MCTP1: variants seen among roughly 807,000 people sequenced by gnomAD.
MCTP1 encodes the protein multiple C2 and transmembrane domain containing 1.
MCTP1 carries 69 observed loss-of-function variants against 120.6 expected under a neutral mutation model. That is an observed-to-expected ratio of 0.57 (90% CI 0.47 to 0.70). The LOEUF (loss-of-function observed/expected upper bound fraction) is 0.70. MCTP1 is among the 30% of genes least tolerant of loss of function. MCTP1 has a pLI of 0.00. For synonymous variants in MCTP1, 529 were observed against 493.1 expected (o/e 1.07, Z -0.96); for missense variants, 1,203 against 1,248.8 (o/e 0.96, Z 0.55).
intron 20 of MCTP1, among the ~76,000 whole-genome samples, chr5:94,712,681 T>C (rs1269094871): frequency 2.0e-5 from 3 of 152,116 alleles, no homozygotes; most frequent in African/African-American, 4.8e-5. Flanking sequence ...CTTCCTCTTA[T>C]GGTCAAGAGT....
intron 1 of MCTP1, among the ~76,000 whole-genome samples, chr5:95,115,428 G>C (rs1562154906): frequency 6.6e-6 from 1 of 151,948 alleles, no homozygotes. Context: ...ACTGAACAAA[G>C]AGATTAAAAT....
chr5:95,065,380 T>A (rs78097179), intron 1 of MCTP1, among the ~76,000 whole-genome samples: 10,028 of 152,066 alleles, frequency 0.066, 707 homozygotes, highest in East Asian at 0.34. Flanking sequence ...GTTAGCAAAC[T>A]AAATCCAGAA....
intron 1 of MCTP1, among the ~76,000 whole-genome samples, chr5:95,142,622 C>T (rs1269765531): frequency 6.6e-6 from 1 of 152,050 alleles, no homozygotes; most frequent in Non-Finnish European, 1.5e-5. Flanking sequence ...AAAAGCTAAC[C>T]TTTAAATTAA....
chr5:95,037,880 C>T (rs1481584928), intron 1 of MCTP1, among the ~76,000 whole-genome samples: 1 of 152,016 alleles, frequency 6.6e-6, no homozygotes, highest in Non-Finnish European at 1.5e-5. Flanking sequence ...AAAACAAAAA[C>T]AAAAACAAAA....
At chr5:95,060,473 A>G (rs541263042) in intron 1 of MCTP1, among the ~76,000 whole-genome samples, 4 of 152,360 alleles carry the variant, frequency 2.6e-5, no homozygotes, top group East Asian at 3.9e-4. Context: ...CTTGCAGAGC[A>G]TAATTTACTT....
At chr5:94,845,016 A>G (rs1791999285) in intron 17 of MCTP1, among the ~76,000 whole-genome samples, 1 of 151,938 alleles carries the variant, frequency 6.6e-6, no homozygotes, top group Non-Finnish European at 1.5e-5. Flanking sequence ...AACAAAACAA[A>G]CTATCAACAG....
At chr5:95,243,251 A>T (rs1756372297) in intron 1 of MCTP1, among the ~76,000 whole-genome samples, 1 of 152,232 alleles carries the variant, frequency 6.6e-6, no homozygotes, top group Non-Finnish European at 1.5e-5. Context: ...AAATTGGAAA[A>T]ATATAAGTTT....
chr5:94,852,333 T>C (rs1793916378), intron 17 of MCTP1, among the ~76,000 whole-genome samples: 1 of 151,902 alleles, frequency 6.6e-6, no homozygotes, highest in Non-Finnish European at 1.5e-5. Flanking sequence ...AAGTTTTTTA[T>C]ATTGCCCTCT....
intron 1 of MCTP1, among the ~76,000 whole-genome samples, chr5:95,214,368 G>C (rs1329689028): frequency 6.6e-6 from 1 of 151,984 alleles, no homozygotes; most frequent in Non-Finnish European, 1.5e-5. Flanking sequence ...GGAAACAACA[G>C]GTGCTGGAGA....
rs893410269 is a variant in MCTP1 at position 95,180,487 on chromosome 5, C to A, written c.720+103369G>T. On this transcript the variant is annotated intron_variant, in intron 1 of 22. Coordinates refer to ENST00000515393, the MANE Select transcript of MCTP1 (RefSeq NM_024717.7). Reference sequence around the variant, plus strand: ...AAGCTTCCTCCTTCTTCACATGTTACTAAAATTTGGTTTCTGGGCACTGTG... The same window carrying A: ...AAGCTTCCTCCTTCTTCACATGTTAATAAAATTTGGTTTCTGGGCACTGTG... 3.3e-5 allele frequency among the ~76,000 whole-genome samples: 5 copies of A among 152,236 alleles called. No individual in the cohort carries two copies. In the South Asian group the frequency reaches 1.0e-3, roughly 31 times the overall value.
At chr5:94,722,903 T>C (rs1471079167) in intron 19 of MCTP1, among the ~76,000 whole-genome samples, 2 of 152,202 alleles carry the variant, frequency 1.3e-5, no homozygotes, top group African/African-American at 4.8e-5. Context: ...GTGCACTACT[T>C]TCTCTAGTTC....
At chr5:94,984,315 G>T (rs1397004540) in intron 2 of MCTP1, among the ~76,000 whole-genome samples, 1 of 152,080 alleles carries the variant, frequency 6.6e-6, no homozygotes, top group Non-Finnish European at 1.5e-5. Flanking sequence ...AAGGCTCTTG[G>T]CTAGGAATTT....
At chr5:94,770,790 G>A (rs757889043) in intron 19 of MCTP1, among the ~76,000 whole-genome samples, 10 of 152,162 alleles carry the variant, frequency 6.6e-5, no homozygotes, top group Non-Finnish European at 1.2e-4. Flanking sequence ...ATATGATGAA[G>A]CATTAATGAT....
intron 19 of MCTP1, among the ~76,000 whole-genome samples, chr5:94,723,550 GC>G (rs1027223886): frequency 7.3e-6 from 1 of 137,640 alleles, no homozygotes; most frequent in African/African-American, 2.6e-5. Flanking sequence ...TGCTGACTTG[GC>G]AGAGTTTTTT....
chr5:94,920,039 T>A (rs1336776598), intron 7 of MCTP1, among the ~76,000 whole-genome samples: 1 of 152,248 alleles, frequency 6.6e-6, no homozygotes, highest in Non-Finnish European at 1.5e-5. Flanking sequence ...CTTGATACAA[T>A]TTATGGTGCC....
At chr5:94,912,776 T>C in intron 9 of MCTP1, 30 bp downstream of exon 9, 3 of 1,487,578 alleles carry the variant, frequency 2.0e-6, no homozygotes, top group Non-Finnish European at 2.7e-6. Flanking sequence ...CTTCCAAATA[T>C]TGACAGGAAC....
chr5:95,028,631 C>A (rs867126665), intron 1 of MCTP1, among the ~76,000 whole-genome samples: 7 of 152,132 alleles, frequency 4.6e-5, no homozygotes, highest in African/African-American at 1.4e-4. Flanking sequence ...TATAAAATAA[C>A]CTGAGCCAAA....
intron 6 of MCTP1, chr5:94,929,640 C>A (rs1340141531): frequency 1.0e-6 from 1 of 983,668 alleles, no homozygotes; most frequent in Non-Finnish European, 1.2e-6. Flanking sequence ...CTTAGTTTCC[C>A]AGGAAGCACA....
chr5:94,743,966 T>C (rs929814273), intron 19 of MCTP1, among the ~76,000 whole-genome samples: 2 of 151,674 alleles, frequency 1.3e-5, no homozygotes, highest in South Asian at 4.2e-4. Context: ...ATGAGAGCTC[T>C]TGATTTTTCT....
Sources: gnomAD v4.1 joint callset for allele counts (sites outside exome capture counted in the v4.1 genomes callset) on GRCh38, gnomAD v4.1.1 for gene constraint, MANE v1.5 for transcripts, NCBI Gene and HGNC (gene_info 2026-07-23, HGNC 2026-07-21) for gene names.